CSNK1D: variants seen among roughly 807,000 people sequenced by gnomAD.
CSNK1D encodes the protein casein kinase 1 delta, also known as casein kinase I isoform delta.
A neutral mutation model predicts 46.6 loss-of-function variants in CSNK1D; 16 were observed. The observed-to-expected ratio is 0.34, with a 90% CI of 0.23 to 0.52. The LOEUF (loss-of-function observed/expected upper bound fraction) is 0.52, where lower values mean the gene tolerates loss of function less well. CSNK1D is among the 20% of genes least tolerant of loss of function. The pLI is 0.95. For missense variants in CSNK1D, 398 were observed against 578.4 expected, an observed-to-expected ratio of 0.69 and a Z score of 3.20; for synonymous variants, 276 against 228.2, an observed-to-expected ratio of 1.21 and a Z score of -1.89.
At position 82,243,303 on chromosome 17, in the gene CSNK1D, G is replaced by A; in HGVS notation, c.*1478C>T. 1 of 985,528 alleles carries A rather than the reference G, an allele frequency of 1.0e-6. No homozygotes were observed. The allele number at this position is 985,528 out of a possible 1,614,324, so 61.0% of individuals were successfully genotyped here. On this transcript the variant is annotated 3_prime_UTR_variant, in exon 9 of 9. Transcript: ENST00000314028. Reference sequence around the variant, plus strand: ...CACCTTCGAAGCCCTAGAGTCCAAAGGGAACATCGTCCATCGTGATGGGGT... The same window carrying A: ...CACCTTCGAAGCCCTAGAGTCCAAAAGGAACATCGTCCATCGTGATGGGGT...
chr17:82,250,882 G>A lies in CSNK1D; in HGVS notation c.885+497C>T. The A allele has an allele frequency of 4.9e-6, 1 of 203,842 alleles. No individual in the cohort carries two copies. Among genetic ancestry groups the A allele is most frequent in the Non-Finnish European group, 1.0e-5 (1 of 97,082 alleles). The allele number at this position is 203,842 out of a possible 1,614,324, so 12.6% of individuals were successfully genotyped here. A position where few individuals can be genotyped will look rare whatever the true frequency, so the allele number is the denominator to read the frequency against. On this transcript the variant is annotated intron_variant, in intron 6 of 8. Coordinates refer to ENST00000314028, the MANE Select transcript of CSNK1D (RefSeq NM_001893.6). The surrounding 1 kb of genome is among the most constrained non-coding windows in gnomAD (Gnocchi z 4.6). ...TCAGCTCAGACATGGACCCAGGGCT[G>A]GGCTGCCTGTTTTAGAGGCTCCACT...
Position 82,243,579 on chromosome 17 carries a change from ACT to A in CSNK1D, c.*1200_*1201del. 1 of 985,204 alleles carries A rather than the reference ACT, an allele frequency of 1.0e-6. No individual in the cohort carries two copies. The highest frequency in any genetic ancestry group is 1.2e-6 in the Non-Finnish European group (1 of 829,926). The allele number at this position is 985,204 out of a possible 1,614,324, so 61.0% of individuals were successfully genotyped here. ...CGCCCAACAGAAGGTCACAGCGCAG[ACT>A]CTACTTTCTGGCCGTGAAGGTTCTG... On this transcript the variant is annotated 3_prime_UTR_variant, in exon 9 of 9. Transcript: ENST00000314028.
rs769422656 is a variant in CSNK1D, at chr17:82,253,171, C to A, written c.410G>T (p.Gly137Val). 6.2e-7 allele frequency: 1 copy of A among 1,614,208 alleles called. No individual in the cohort carries two copies. The highest frequency in any genetic ancestry group is 8.5e-7 in the Non-Finnish European group (1 of 1,180,024). ...CACCAGGTTGCCCTTCTTCCCCAGG[C>A]CCATGAGGAAGTTGTCTGGCTTCAC... The part of the protein sequence containing the change: ...RDVKPDNFLM[G>V]LGKKGNLVYI... Residue 137 changes from glycine to valine, a missense_variant, in exon 4 of 9, where the codon GGC becomes GTC. By Grantham distance (109) the Gly-to-Val change is moderately radical. Coordinates refer to ENST00000314028, the MANE Select transcript of CSNK1D (RefSeq NM_001893.6).
chr17:82,265,561 G>T, intron 2 of CSNK1D, 125 bp downstream of exon 2: 1 of 770,898 alleles, frequency 1.3e-6, no homozygotes, highest in Non-Finnish European at 2.3e-6. Flanking sequence ...GTCAGGGTGT[G>T]GAGAACACTT....
At chr17:82,245,885 G>T in intron 8 of CSNK1D, 1 of 1,346,918 alleles carries the variant, frequency 7.4e-7, no homozygotes, top group Non-Finnish European at 1.0e-6. Flanking sequence ...TGGCATGCAA[G>T]CCCAGCCCAC....
chr17:82,248,677 CCATGACGGCCCAG>C lies in CSNK1D; in HGVS notation c.1197+185_1197+197del. 13 of 1,418,444 alleles carry C rather than the reference CCATGACGGCCCAG, an allele frequency of 9.2e-6. No individual in the cohort carries two copies. Among genetic ancestry groups the C allele is most frequent in the Non-Finnish European group, 1.2e-5 (13 of 1,086,620 alleles). The allele number at this position is 1,418,444 out of a possible 1,614,324, so 87.9% of individuals were successfully genotyped here. On this transcript the variant is annotated intron_variant, in intron 8 of 8. Transcript: ENST00000314028. This position sits in a 1 kb window ranked among gnomAD's most constrained non-coding sequence, Gnocchi z 4.1. ...GCCACCTGCAACCAGGAGACAAGCC[CCATGACGGCCCAG>C]CATGTCTCCCAGGCCCTCCCGAGAA... is the stretch of plus-strand genomic sequence containing the variant.
At chr17:82,270,705 C>G (rs973012495) in intron 1 of CSNK1D, among the ~76,000 whole-genome samples, 1 of 151,930 alleles carries the variant, frequency 6.6e-6, no homozygotes, top group Non-Finnish European at 1.5e-5. Context: ...TCCGTGGGGT[C>G]GTCTGAAAGG....
intron 1 of CSNK1D, among the ~76,000 whole-genome samples, chr17:82,266,121 G>T (rs1243732203): frequency 6.6e-6 from 1 of 152,132 alleles, no homozygotes; most frequent in Non-Finnish European, 1.5e-5. Context: ...CCTGCCCAAG[G>T]CCCCTGCACT....
rs991943378 is a variant in CSNK1D, at chr17:82,248,943, C to T, written c.1129G>A (p.Ala377Thr). The T allele has an allele frequency of 6.2e-7, 1 of 1,601,784 alleles. No homozygotes were observed. The highest frequency in any genetic ancestry group is 8.5e-7 in the Non-Finnish European group (1 of 1,173,516). ...RKVSMRLHRG[A>T]PVNISSSDLT... The stretch of plus-strand genomic sequence containing the variant: ...TCGGACGAGGAGATGTTGACGGGGG[C>T]CCCGCGGTGCAGCCGCATACTCACT... The change falls in exon 8 of 9, where the codon GCC (alanine) becomes ACC (threonine). Residue 377 changes from alanine to threonine, a missense_variant. This residue lies in a region of CSNK1D where 181 missense variants were observed against 208.0 expected (regional missense o/e 0.87). Coordinates refer to ENST00000314028, the MANE Select transcript of CSNK1D (RefSeq NM_001893.6). This position sits in a 1 kb window ranked among gnomAD's most constrained non-coding sequence, Gnocchi z 4.1.
chr17:82,242,874 G>C lies in CSNK1D; in HGVS notation c.*1907C>G, dbSNP rs1379791540. The C allele has an allele frequency of 2.0e-6, 2 of 985,332 alleles. No homozygotes were observed. Among genetic ancestry groups the C allele is most frequent in the Admixed American group, 6.1e-5 (1 of 16,272 alleles). The allele number at this position is 985,332 out of a possible 1,614,324, so 61.0% of individuals were successfully genotyped here. ...CGAAGACGCGACCCGGCGAGGCTCG[G>C]GCTGGAACCCGGGCGCAGAGCTGCC... On this transcript the variant is annotated 3_prime_UTR_variant, in exon 9 of 9. Coordinates refer to ENST00000314028, the MANE Select transcript of CSNK1D (RefSeq NM_001893.6).
chr17:82,248,300 GGATGCTGAAGAGGC>G lies in CSNK1D; in HGVS notation c.1197+561_1197+574del, dbSNP rs1421422277. 1.0e-6 allele frequency: 1 copy of G among 988,168 alleles called. No homozygotes were observed. Among genetic ancestry groups the G allele is most frequent in the African/African-American group, 1.7e-5 (1 of 57,274 alleles). 61.2% of individuals were successfully genotyped at this position (988,168 alleles called of 1,614,324 possible). A position where few individuals can be genotyped will look rare whatever the true frequency, so the allele number is the denominator to read the frequency against. On this transcript the variant is annotated intron_variant, in intron 8 of 8. Coordinates refer to ENST00000314028, the MANE Select transcript of CSNK1D (RefSeq NM_001893.6). This position sits in a 1 kb window ranked among gnomAD's most constrained non-coding sequence, Gnocchi z 4.1. ...AGCGAGGAGAGGAGAGACCGCTGCA[GGATGCTGAAGAGGC>G]GGTGGCCGTGGCTAGGCCTGGGCTG...
At chr17:82,272,513 G>A (rs1349327417) in intron 1 of CSNK1D, among the ~76,000 whole-genome samples, 1 of 152,184 alleles carries the variant, frequency 6.6e-6, no homozygotes, top group Non-Finnish European at 1.5e-5. Context: ...CACCTCATGA[G>A]TACAACTACC....
rs1028911971 is a variant in CSNK1D at position 82,248,671 on chromosome 17, C to G, written c.1197+204G>C. The G allele has an allele frequency of 2.8e-6, 4 of 1,409,706 alleles. No individual in the cohort carries two copies. In the African/African-American group the frequency reaches 5.8e-5, roughly 20 times the overall value. The allele number at this position is 1,409,706 out of a possible 1,614,324, so 87.3% of individuals were successfully genotyped here. ...AGACTGGCCACCTGCAACCAGGAGA[C>G]AAGCCCCATGACGGCCCAGCATGTC... On this transcript the variant is annotated intron_variant, in intron 8 of 8. Coordinates refer to ENST00000314028, the MANE Select transcript of CSNK1D (RefSeq NM_001893.6). The surrounding 1 kb of genome is among the most constrained non-coding windows in gnomAD (Gnocchi z 4.1).
At chr17:82,246,653 T>G (rs962916373) in intron 8 of CSNK1D, 87 of 998,146 alleles carry the variant, frequency 8.7e-5, no homozygotes, top group Non-Finnish European at 9.2e-5. Flanking sequence ...GCCCTACAAC[T>G]ATGGGGGCCT....
At chr17:82,242,646 C>T (rs2147145867), downstream of CSNK1D, 1 of 985,184 alleles carries the variant, frequency 1.0e-6, no homozygotes, top group African/African-American at 1.7e-5. Context: ...AAATAAAGAC[C>T]ACATGGAAAG....
rs1377537424 is a variant in CSNK1D at position 82,252,522 on chromosome 17, C to A, written c.648G>T (p.Leu216=). 2.5e-6 allele frequency: 4 copies of A among 1,613,952 alleles called. No homozygotes were observed. Among genetic ancestry groups the A allele is most frequent in the Non-Finnish European group, 3.4e-6 (4 of 1,179,988 alleles). Residue 216 remains leucine (L), a synonymous_variant, in exon 5 of 9, where the codon CTG becomes CTT. Coordinates refer to ENST00000314028, the MANE Select transcript of CSNK1D (RefSeq NM_001893.6). The surrounding 1 kb of genome is among the most constrained non-coding windows in gnomAD (Gnocchi z 4.6). ...ATTTCTGTCTCTTGGTGGCAGCCTT[C>A]AGCCCCTGCCAGGGGAGAGAGCCCA... ...FNLGSLPWQG[L]KAATKRQKYE...
At position 82,242,667 on chromosome 17, in the gene CSNK1D, AAAGGTAGAAGTC is replaced by A; in HGVS notation, c.*2102_*2113del. The stretch of plus-strand genomic sequence containing the variant: ...AGACCACATGGAAAGGGGAGGGAAG[AAAGGTAGAAGTC>A]ATTATGAATTTATTATTTACACGAT... On this transcript the variant is annotated 3_prime_UTR_variant, in exon 9 of 9. Coordinates refer to ENST00000314028, the MANE Select transcript of CSNK1D (RefSeq NM_001893.6). The A allele has an allele frequency of 1.0e-6, 1 of 985,466 alleles. No individual in the cohort carries two copies. Among genetic ancestry groups the A allele is most frequent in the Non-Finnish European group, 1.2e-6 (1 of 829,898 alleles). 61.0% of individuals were successfully genotyped at this position (985,466 alleles called of 1,614,324 possible). A position where few individuals can be genotyped will look rare whatever the true frequency, so the allele number is the denominator to read the frequency against.
Position 82,262,860 on chromosome 17 carries a change from G to T in CSNK1D, c.187+2826C>A, listed in dbSNP as rs184481318. On this transcript the variant is annotated intron_variant, in intron 2 of 8. Transcript: ENST00000314028. ...CCTTTTGCCTTCTCGGACATCATTT[G>T]TTTTCTAAAATGCAGATCTTTAGAT... Among the ~76,000 whole-genome samples, 575 of 152,334 alleles carry T rather than the reference G, an allele frequency of 3.8e-3. 5 individuals carry two copies. The highest frequency in any genetic ancestry group is 0.013 in the African/African-American group (541 of 41,584).
In CSNK1D at chr17:82,244,569, T is replaced by A; in HGVS notation, c.*212A>T. On this transcript the variant is annotated 3_prime_UTR_variant, in exon 9 of 9. Transcript: ENST00000314028. ...CAGCCCCGTTACAACCGAGTTCACGTGGGGGGCCGCAGTGCAGCCCCAGCG... is the reference window on the plus strand; with the variant it reads ...CAGCCCCGTTACAACCGAGTTCACGAGGGGGGCCGCAGTGCAGCCCCAGCG... 1 of 1,489,310 alleles carries A rather than the reference T, an allele frequency of 6.7e-7. No individual in the cohort carries two copies. The highest frequency in any genetic ancestry group is 8.9e-7 in the Non-Finnish European group (1 of 1,119,838). 92.3% of individuals were successfully genotyped at this position (1,489,310 alleles called of 1,614,324 possible). A position where few individuals can be genotyped will look rare whatever the true frequency, so the allele number is the denominator to read the frequency against.
Sources: gnomAD v4.1 joint callset for allele counts (sites outside exome capture counted in the v4.1 genomes callset) on GRCh38, gnomAD v4.1.1 for gene constraint, gnomAD v4.1.1 regional missense constraint, Gnocchi (gnomAD v3.1) non-coding constraint, MANE v1.5 for transcripts, NCBI Gene and HGNC (gene_info 2026-07-23, HGNC 2026-07-21) for gene names.